The following NPIPB11 variants were observed in gnomAD, a reference collection of about 807,000 sequenced individuals.
NPIPB11 encodes the protein nuclear pore complex-interacting protein family member B11.
NPIPB11 carries 17 observed loss-of-function variants against 32.8 expected under a neutral mutation model. The observed-to-expected ratio is 0.52, with a 90% CI of 0.35 to 0.78. The LOEUF (loss-of-function observed/expected upper bound fraction) is 0.78. Among genes scored for constraint, NPIPB11 ranks in the 30% least tolerant of loss-of-function variants. The pLI, the probability that NPIPB11 is intolerant of heterozygous loss-of-function variation, is 0.01. For synonymous variants in NPIPB11, 209 were observed against 398.4 expected (o/e 0.52, Z 5.66); for missense variants, 537 against 1,000.4 (o/e 0.54, Z 6.25).
intron 2 of NPIPB11, chr16:29,397,628 C>T: frequency 3.4e-6 from 5 of 1,465,726 alleles, no homozygotes; most frequent in Non-Finnish European, 4.7e-6. Context: ...AAAAGAGCAT[C>T]CACCGCCCCC....
At chr16:29,394,000 G>A (rs766721007) in exon 3 of NPIPB11, 18 of 1,599,348 alleles carry the variant, frequency 1.1e-5, no homozygotes, top group Middle Eastern at 1.6e-4. Flanking sequence ...TGTCGGAAAC[G>A]CAATAATAAT....
chr16:29,405,328 G>A (rs1323208609), upstream of NPIPB11, among the ~76,000 whole-genome samples: 2 of 151,656 alleles, frequency 1.3e-5, no homozygotes, highest in African/African-American at 4.9e-5. Flanking sequence ...AATACTTGTT[G>A]AACAAATATT....
At chr16:29,394,505 G>A (rs1225923877) in intron 2 of NPIPB11, among the ~76,000 whole-genome samples, 1 of 151,030 alleles carries the variant, frequency 6.6e-6, no homozygotes, top group African/African-American at 2.4e-5. Flanking sequence ...TGCAATCTTG[G>A]CTCACTACAA....
chr16:29,395,185 CAA>C (rs1344659910), intron 2 of NPIPB11, among the ~76,000 whole-genome samples: 1 of 77,968 alleles, frequency 1.3e-5, no homozygotes, highest in Non-Finnish European at 2.5e-5. Flanking sequence ...TGTTTGGAGA[CAA>C]AGTCTTGCTC....
intron 3 of NPIPB11, among the ~76,000 whole-genome samples, chr16:29,393,603 C>T (rs1963774389): frequency 6.7e-6 from 1 of 150,280 alleles, no homozygotes. Context: ...TGGAAGCTTT[C>T]CTTCCACCCA....
chr16:29,401,973 T>G (rs987544799), intron 2 of NPIPB11, among the ~76,000 whole-genome samples: 2 of 151,318 alleles, frequency 1.3e-5, no homozygotes, highest in Non-Finnish European at 2.9e-5. Flanking sequence ...ATGCACCATC[T>G]ACCCCACACT....
At chr16:29,391,021 C>T (rs1963709646) in intron 3 of NPIPB11, among the ~76,000 whole-genome samples, 2 of 147,306 alleles carry the variant, frequency 1.4e-5, no homozygotes, top group Admixed American at 1.4e-4. Flanking sequence ...GTAATCCCAA[C>T]ACTTTGGGAG....
intron 5 of NPIPB11, among the ~76,000 whole-genome samples, chr16:29,389,315 C>T (rs1405572248): frequency 2.1e-4 from 30 of 143,274 alleles, no homozygotes; most frequent in East Asian, 1.0e-3. Flanking sequence ...TGAGCCAAGA[C>T]TGCACCATAG....
chr16:29,390,961 CA>C (rs1173802573), intron 3 of NPIPB11, among the ~76,000 whole-genome samples: 32,657 of 84,560 alleles, frequency 0.39, 4,707 homozygotes, highest in East Asian at 0.54. Flanking sequence ...GAAACTGTCT[CA>C]AAAAAAAAAA....
At chr16:29,389,367 TAAAAAAAAAAAAAA>T (rs1175211779) in intron 5 of NPIPB11, among the ~76,000 whole-genome samples, 1 of 58,656 alleles carries the variant, frequency 1.7e-5, no homozygotes, top group Non-Finnish European at 2.8e-5. Flanking sequence ...ATCTCAAAAT[TAAAAAAAAAAAAAA>T]AAAAAAAAAA....
chr16:29,394,391 C>T (rs1403866787), intron 2 of NPIPB11, among the ~76,000 whole-genome samples: 1 of 148,876 alleles, frequency 6.7e-6, no homozygotes, highest in African/African-American at 2.5e-5. Context: ...ATAACATACA[C>T]AAACACTAAC....
exon 4 of NPIPB11, chr16:29,390,336 T>G: frequency 8.1e-7 from 1 of 1,238,810 alleles, no homozygotes; most frequent in East Asian, 2.3e-5. Flanking sequence ...AAGATAGTCT[T>G]CAGGAGAGAC....
rs1295720641 is a variant in NPIPB11, at chr16:29,402,570, T to TG, written c.120+1112dup. On this transcript the variant is annotated intron_variant, in intron 2 of 7. Coordinates refer to ENST00000524087, the Ensembl canonical transcript of NPIPB11. The stretch of plus-strand genomic sequence containing the variant: ...TACAAAAATTAGCTGGGCATGATGG[T>TG]GCACACACCTGTAGTCCCAGCTACT... 8.7e-4 allele frequency among the ~76,000 whole-genome samples: 18 copies of TG among 20,642 alleles called. 2 individuals are homozygous for TG. Among genetic ancestry groups the TG allele is most frequent in the East Asian group, 0.056 (2 of 36 alleles). 13.5% of individuals were successfully genotyped at this position (20,642 alleles called of 152,430 possible). A position where few individuals can be genotyped will look rare whatever the true frequency, so the allele number is the denominator to read the frequency against.
At chr16:29,390,961 CAA>C (rs1173802573) in intron 3 of NPIPB11, among the ~76,000 whole-genome samples, 1,976 of 84,540 alleles carry the variant, frequency 0.023, 14 homozygotes, top group Middle Eastern at 0.043. Flanking sequence ...GAAACTGTCT[CAA>C]AAAAAAAAAA....
At chr16:29,395,938 A>G (rs1389068571) in intron 2 of NPIPB11, among the ~76,000 whole-genome samples, 1 of 151,258 alleles carries the variant, frequency 6.6e-6, no homozygotes, top group African/African-American at 2.4e-5. Flanking sequence ...AGATTGCACC[A>G]CTGCACTTCA....
chr16:29,395,350 CAG>C (rs2142131464), intron 2 of NPIPB11, among the ~76,000 whole-genome samples: 1 of 50,038 alleles, frequency 2.0e-5, no homozygotes, highest in South Asian at 6.6e-4. Context: ...TGAGTAGAAA[CAG>C]GGTTTCACCA....
chr16:29,383,103 A>C, exon 8 of NPIPB11: 2 of 1,595,674 alleles, frequency 1.3e-6, no homozygotes, highest in South Asian at 1.1e-5. Context: ...CTGAGGGTGG[A>C]AGGGGAGTGA....
At chr16:29,389,191 T>A (rs1485210313) in intron 5 of NPIPB11, among the ~76,000 whole-genome samples, 376 of 102,846 alleles carry the variant, frequency 3.7e-3, no homozygotes, top group Non-Finnish European at 5.9e-3. Context: ...TGAGACTCTG[T>A]CTCAAAAAAA....
At chr16:29,383,212 G>A (rs766961229) in exon 8 of NPIPB11, 3 of 1,567,470 alleles carry the variant, frequency 1.9e-6, no homozygotes, top group Non-Finnish European at 2.6e-6. Flanking sequence ...TCTGCTGAGG[G>A]TGGAGCTGAG....
Sources: gnomAD v4.1 joint callset for allele counts (sites outside exome capture counted in the v4.1 genomes callset) on GRCh38, gnomAD v4.1.1 for gene constraint, MANE v1.5 for transcripts, NCBI Gene and HGNC (gene_info 2026-07-23, HGNC 2026-07-21) for gene names.